The following CPEB1 variants were observed in gnomAD, a reference collection of about 807,000 sequenced individuals.
The protein encoded by CPEB1 is cytoplasmic polyadenylation element-binding protein 1.
Under a neutral mutation model 65.8 loss-of-function variants are expected in CPEB1, and 7 were observed. The observed-to-expected ratio is 0.11, with a 90% confidence interval of 0.06 to 0.20. The LOEUF is 0.20. Ranked by LOEUF, CPEB1 falls within the 10% of genes least tolerant of loss-of-function variation. CPEB1 has a pLI of 1.00. For synonymous variants in CPEB1, 262 were observed against 260.0 expected, an observed-to-expected ratio of 1.01 and a Z score of -0.08; for missense variants, 551 against 712.2, an observed-to-expected ratio of 0.77 and a Z score of 2.58.
chr15:82,547,284 TGC>T, intron 10 of CPEB1, 47 bp from the exon 11 acceptor site: 1 of 837,872 alleles, frequency 1.2e-6, no homozygotes, highest in Non-Finnish European at 1.8e-6. Context: ...TTCTCCCAAA[TGC>T]TACTTTTTTT....
At chr15:82,550,182 G>A (rs1252306091) in intron 9 of CPEB1, among the ~76,000 whole-genome samples, 2 of 152,178 alleles carry the variant, frequency 1.3e-5, no homozygotes, top group Admixed American at 6.5e-5. Flanking sequence ...TGACTGGCGA[G>A]AGGTTGGGTA....
chr15:82,571,883 C>T (rs1303470798), intron 3 of CPEB1: 11 of 1,046,980 alleles, frequency 1.1e-5, no homozygotes, highest in Non-Finnish European at 1.3e-5. Flanking sequence ...CAGGAGGGGA[C>T]GACAGGGAGG....
intron 3 of CPEB1, among the ~76,000 whole-genome samples, chr15:82,611,509 C>T (rs887965049): frequency 2.0e-5 from 3 of 152,000 alleles, no homozygotes; most frequent in East Asian, 1.9e-4. Context: ...ATAATCTCAA[C>T]GCTTTGGGAG....
At chr15:82,634,244 C>G (rs1210314551) in intron 1 of CPEB1, among the ~76,000 whole-genome samples, 3 of 149,564 alleles carry the variant, frequency 2.0e-5, no homozygotes, top group African/African-American at 7.4e-5. Context: ...CTTTAAAAAT[C>G]TGAACCACAC....
chr15:82,562,039 C>T (rs888220556), intron 4 of CPEB1: 1 of 363,720 alleles, frequency 2.7e-6, no homozygotes, highest in Non-Finnish European at 5.3e-6. Context: ...GTGGCTGTTA[C>T]TACTGCATCT....
At chr15:82,638,021 G>A (rs1251200529) in intron 1 of CPEB1, 6 of 448,662 alleles carry the variant, frequency 1.3e-5, no homozygotes, top group Admixed American at 7.2e-5. Context: ...TTTAGTATCT[G>A]GTTTAATATA....
In CPEB1 at chr15:82,606,750, G is replaced by C. The variant is rs570564308; in HGVS notation, c.271+20443C>G. Among the ~76,000 whole-genome samples the C allele has an allele frequency of 9.6e-5, 6 of 62,544 alleles. 2 individuals carry two copies. Among genetic ancestry groups the C allele is most frequent in the African/African-American group, 4.2e-4 (6 of 14,178 alleles). The allele number at this position is 62,544 out of a possible 152,430, so 41.0% of individuals were successfully genotyped here. ...GGAGAATGGCGTGAACCCGGGAGGC[G>C]GAGCTTGCAGTGAGCCGAGATCCCG... On this transcript the variant is annotated intron_variant, in intron 3 of 12. Coordinates refer to ENST00000684509, the MANE Select transcript of CPEB1 (RefSeq NM_001365242.1).
chr15:82,646,439 C>G (rs587667292), intron 1 of CPEB1, among the ~76,000 whole-genome samples: 3 of 152,134 alleles, frequency 2.0e-5, no homozygotes, highest in Admixed American at 1.3e-4. Flanking sequence ...CAGTCAGGGC[C>G]GGGGCTGCAG....
intron 3 of CPEB1, among the ~76,000 whole-genome samples, chr15:82,603,632 T>A (rs903401380): frequency 1.3e-5 from 2 of 152,204 alleles, no homozygotes; most frequent in African/African-American, 4.8e-5. Context: ...TGCAGAGTTG[T>A]AAACTGTCTG....
chr15:82,618,888 T>C (rs1359432164), intron 3 of CPEB1, among the ~76,000 whole-genome samples: 2 of 152,342 alleles, frequency 1.3e-5, no homozygotes, highest in East Asian at 1.9e-4. Context: ...ACTTGATTCA[T>C]AGGTTCAACG....
chr15:82,570,147 A>G (rs2039790513), intron 4 of CPEB1, among the ~76,000 whole-genome samples: 1 of 152,124 alleles, frequency 6.6e-6, no homozygotes, highest in African/African-American at 2.4e-5. Context: ...CCTCTCCTAA[A>G]TGGGGTTTTA....
At chr15:82,546,387 G>A (rs368311586) in intron 12 of CPEB1, 54 bp downstream of exon 12, 44 of 1,457,218 alleles carry the variant, frequency 3.0e-5, no homozygotes, top group African/African-American at 1.4e-4. Context: ...GAACCACCGC[G>A]CCCAGCCAAC....
At position 82,574,722 on chromosome 15, in the gene CPEB1, C is replaced by CAAA. The variant is rs534968367; in HGVS notation, c.272-3193_272-3191dup. Among the ~76,000 whole-genome samples, 21 of 53,506 alleles carry CAAA rather than the reference C, an allele frequency of 3.9e-4. 2 individuals are homozygous for CAAA. The highest frequency in any genetic ancestry group is 1.0e-3 in the African/African-American group (14 of 13,706). 35.1% of individuals were successfully genotyped at this position (53,506 alleles called of 152,430 possible). On this transcript the variant is annotated intron_variant, in intron 3 of 12. Coordinates refer to ENST00000684509, the MANE Select transcript of CPEB1 (RefSeq NM_001365242.1). ...TGGGCAACAGAGCTAGACTCGGTCT[C>CAAA]AAAAAAAAAAAAAAAAAAAAAAAAA... is the stretch of plus-strand genomic sequence containing the variant.
At chr15:82,599,106 A>C (rs578224145) in intron 3 of CPEB1, among the ~76,000 whole-genome samples, 13 of 152,216 alleles carry the variant, frequency 8.5e-5, no homozygotes, top group Non-Finnish European at 1.6e-4. Flanking sequence ...AAAGCTGACA[A>C]ATGGTCTGAT....
At chr15:82,571,820 G>C in intron 3 of CPEB1, 5 of 1,226,632 alleles carry the variant, frequency 4.1e-6, no homozygotes, top group Non-Finnish European at 5.1e-6. Flanking sequence ...GACATCAGCC[G>C]GCTGAGCCGT....
chr15:82,574,686 G>A (rs935340167), intron 3 of CPEB1, among the ~76,000 whole-genome samples: 19 of 129,262 alleles, frequency 1.5e-4, no homozygotes, highest in African/African-American at 5.7e-4. Context: ...TCGTGCCACT[G>A]CACTCCAGCC....
chr15:82,579,672 G>A (rs571979774), intron 3 of CPEB1, among the ~76,000 whole-genome samples: 1 of 151,648 alleles, frequency 6.6e-6, no homozygotes, highest in East Asian at 1.9e-4. Flanking sequence ...CAGCACTTTG[G>A]GAGGCCGAGA....
chr15:82,590,960 A>T (rs2042205008), intron 3 of CPEB1, among the ~76,000 whole-genome samples: 1 of 152,244 alleles, frequency 6.6e-6, no homozygotes, highest in South Asian at 2.1e-4. Context: ...TATTGTGAAT[A>T]GCACTGCAAT....
chr15:82,613,062 G>T (rs1197532185), intron 3 of CPEB1, among the ~76,000 whole-genome samples: 7 of 149,044 alleles, frequency 4.7e-5, no homozygotes, highest in African/African-American at 1.7e-4. Flanking sequence ...AGAAGCTAAT[G>T]ATTTGCTTCA....
Sources: allele counts gnomAD v4.1 joint callset (sites outside exome capture counted in the v4.1 genomes callset), GRCh38; gene constraint gnomAD v4.1.1; transcripts MANE v1.5; gene names NCBI Gene and HGNC (gene_info 2026-07-23, HGNC 2026-07-21).